Variants in PWWP2A observed in about 807,000 individuals in gnomAD.
The protein encoded by PWWP2A is PWWP domain containing 2A.
A neutral mutation model predicts 48.5 loss-of-function variants in PWWP2A; 18 were observed. The ratio of observed to expected loss-of-function variants is 0.37; its 90% confidence interval spans 0.26 to 0.55. The LOEUF (loss-of-function observed/expected upper bound fraction) is 0.55, where lower values mean the gene tolerates loss of function less well. PWWP2A is among the 20% of genes least tolerant of loss of function. The pLI, the probability that PWWP2A is intolerant of heterozygous loss-of-function variation, is 0.81. For synonymous variants in PWWP2A, 396 were observed against 387.7 expected, an observed-to-expected ratio of 1.02 and a Z score of -0.25; for missense variants, 867 against 976.4, an observed-to-expected ratio of 0.89 and a Z score of 1.49.
intron 1 of PWWP2A, among the ~76,000 whole-genome samples, chr5:160,103,765 T>C (rs944096594): frequency 4.2e-4 from 64 of 152,010 alleles, no homozygotes; most frequent in African/African-American, 1.5e-3. Context: ...TGTTGGTGAG[T>C]GTGCCTGAGT....
chr5:160,117,965 G>T, intron 1 of PWWP2A: 2 of 716,206 alleles, frequency 2.8e-6, no homozygotes, highest in Non-Finnish European at 3.4e-6. Context: ...TCCAGACTTA[G>T]AACAGGTTCT....
downstream of PWWP2A, among the ~76,000 whole-genome samples, chr5:160,075,479 TCTCA>T (rs1753847288): frequency 6.6e-6 from 1 of 152,286 alleles, no homozygotes; most frequent in South Asian, 2.1e-4. Context: ...ACCCTTGACC[TCTCA>T]CTCAATGTGC....
chr5:160,090,113 T>C (rs1485668587), downstream of PWWP2A: 3 of 984,888 alleles, frequency 3.0e-6, no homozygotes, highest in Admixed American at 1.2e-4. Flanking sequence ...ATGCTCAACC[T>C]TTTCCTCAAA....
In PWWP2A at chr5:160,078,404, G is replaced by A. The variant is rs1432542574; in HGVS notation, c.1670-236C>T. Among the ~76,000 whole-genome samples, 2 of 152,132 alleles carry A rather than the reference G, an allele frequency of 1.3e-5. No individual in the cohort carries two copies. The highest frequency in any genetic ancestry group is 4.8e-5 in the African/African-American group (2 of 41,418). Reference sequence around the variant, plus strand: ...ATTATCAGGCCAGTTTCCAACACAAGTAAAATGGCTGTCATCTTTACATAA... The same window carrying A: ...ATTATCAGGCCAGTTTCCAACACAAATAAAATGGCTGTCATCTTTACATAA... On this transcript the variant is annotated intron_variant, in intron 3 of 3. Coordinates refer to the PWWP2A transcript ENST00000456329. This position sits in a 1 kb window ranked among gnomAD's most constrained non-coding sequence, Gnocchi z 4.2.
At chr5:160,085,809 CAT>C (rs1277108643) in intron 2 of PWWP2A, among the ~76,000 whole-genome samples, 1 of 144,736 alleles carries the variant, frequency 6.9e-6, no homozygotes, top group Non-Finnish European at 1.5e-5. Flanking sequence ...CCGGCTGTCA[CAT>C]GTCATATTCT....
chr5:160,089,804 A>G, downstream of PWWP2A: 1 of 985,416 alleles, frequency 1.0e-6, no homozygotes, highest in South Asian at 4.7e-5. Context: ...AGGGGAAAAA[A>G]TACCCACTTC....
intron 1 of PWWP2A, among the ~76,000 whole-genome samples, chr5:160,100,387 G>C (rs925533253): frequency 6.6e-6 from 1 of 152,096 alleles, no homozygotes; most frequent in Non-Finnish European, 1.5e-5. Context: ...TACTTAGGAG[G>C]CTTGAGGTGG....
At chr5:160,090,279 A>G (rs1581188172), downstream of PWWP2A, 3 of 985,234 alleles carry the variant, frequency 3.0e-6, no homozygotes, top group Non-Finnish European at 3.6e-6. Context: ...GTCTACTTCA[A>G]ACTACTGTTA....
In PWWP2A at chr5:160,091,913, C is replaced by T; in HGVS notation, c.*469G>A. The T allele has an allele frequency of 1.0e-6, 1 of 984,114 alleles. No homozygotes were observed. Among genetic ancestry groups the T allele is most frequent in the Non-Finnish European group, 1.2e-6 (1 of 829,392 alleles). The allele number at this position is 984,114 out of a possible 1,614,324, so 61.0% of individuals were successfully genotyped here. A position where few individuals can be genotyped will look rare whatever the true frequency, so the allele number is the denominator to read the frequency against. ...CCCCCAGCTCACCAAGCCCTTATTG[C>T]AATCCCAAATATGCAATCTGTGTCA... On this transcript the variant is annotated 3_prime_UTR_variant, in exon 2 of 2. Coordinates refer to ENST00000307063, the MANE Select transcript of PWWP2A (RefSeq NM_001130864.2).
At chr5:160,085,717 T>G (rs551867281) in intron 2 of PWWP2A, among the ~76,000 whole-genome samples, 19 of 151,914 alleles carry the variant, frequency 1.3e-4, no homozygotes, top group African/African-American at 2.7e-4. Context: ...ACGTTGGTCA[T>G]GCTGGTCTTG....
chr5:160,070,800 A>G (rs1753722717), intron 2 of PWWP2A, among the ~76,000 whole-genome samples: 1 of 152,218 alleles, frequency 6.6e-6, no homozygotes, highest in Admixed American at 6.5e-5. Flanking sequence ...CTGCTTGGAT[A>G]TAGCCAAAGA....
intron 1 of PWWP2A, among the ~76,000 whole-genome samples, chr5:160,115,368 C>G (rs1184088226): frequency 6.6e-6 from 1 of 151,936 alleles, no homozygotes; most frequent in African/African-American, 2.4e-5. Context: ...TCAGCCTGAG[C>G]AACACAGTGA....
the PWWP2A span, among the ~76,000 whole-genome samples, chr5:160,045,242 G>A: frequency 1.3e-5 from 2 of 152,094 alleles, no homozygotes; most frequent in African/African-American, 4.8e-5. Flanking sequence ...GCTGCAGCCC[G>A]AAGTGTAGGA....
downstream of PWWP2A, chr5:160,089,365 G>A: frequency 2.9e-6 from 1 of 342,714 alleles, no homozygotes; most frequent in Non-Finnish European, 5.4e-6. Context: ...ACCATGCCCA[G>A]CTAAGTTTTT....
the PWWP2A span, chr5:160,049,417 G>T: frequency 6.0e-6 from 7 of 1,167,246 alleles, no homozygotes; most frequent in Non-Finnish European, 6.9e-6. Flanking sequence ...TCTTCCTTTC[G>T]TATCCTTGGA....
In PWWP2A at chr5:160,092,226, G is replaced by A. The variant is rs990980898; in HGVS notation, c.*156C>T. 1.6e-5 allele frequency: 22 copies of A among 1,380,706 alleles called. No individual in the cohort carries two copies. The highest frequency in any genetic ancestry group is 3.1e-5 in the Admixed American group (1 of 32,384). The allele number at this position is 1,380,706 out of a possible 1,614,324, so 85.5% of individuals were successfully genotyped here. The stretch of plus-strand genomic sequence containing the variant: ...ATTATATGTTCAGTTTAAGCTCTCA[G>A]TCTAAAAATGGCTATAAGGTAAGTA... On this transcript the variant is annotated 3_prime_UTR_variant, in exon 2 of 2. Coordinates refer to ENST00000307063, the MANE Select transcript of PWWP2A (RefSeq NM_001130864.2).
Position 160,119,399 on chromosome 5 carries a change from G to C in PWWP2A, c.-11C>G, listed in dbSNP as rs1023958856. 7.3e-7 allele frequency: 1 copy of C among 1,362,538 alleles called. No individual in the cohort carries two copies. Among genetic ancestry groups the C allele is most frequent in the Admixed American group, 4.0e-5 (1 of 25,314 alleles). The allele number at this position is 1,362,538 out of a possible 1,614,324, so 84.4% of individuals were successfully genotyped here. On this transcript the variant is annotated 5_prime_UTR_variant, in exon 1 of 2. Transcript: ENST00000307063. ...AGCCACGGCCGCCATTTTCTTCCTAGCTTCTCCCTCCTCCAACTCCGGCTG... is the reference window on the plus strand; with the variant it reads ...AGCCACGGCCGCCATTTTCTTCCTACCTTCTCCCTCCTCCAACTCCGGCTG...
At chr5:160,104,675 G>C (rs1756685167) in intron 1 of PWWP2A, among the ~76,000 whole-genome samples, 1 of 151,986 alleles carries the variant, frequency 6.6e-6, no homozygotes, top group Admixed American at 6.6e-5. Context: ...CGTGATGGTG[G>C]ATGCCTGTAA....
intron 1 of PWWP2A, among the ~76,000 whole-genome samples, chr5:160,099,611 A>G (rs546065154): frequency 3.9e-5 from 6 of 152,016 alleles, no homozygotes; most frequent in African/African-American, 1.4e-4. Context: ...GTGAGCCACC[A>G]CAGTCGGCCC....
Sources: allele counts gnomAD v4.1 joint callset (sites outside exome capture counted in the v4.1 genomes callset), GRCh38; gene constraint gnomAD v4.1.1; non-coding constraint Gnocchi (gnomAD v3.1); transcripts MANE v1.5; gene names NCBI Gene and HGNC (gene_info 2026-07-23, HGNC 2026-07-21).